LRRIQ1: variants seen among roughly 807,000 people sequenced by gnomAD.
LRRIQ1 encodes leucine rich repeats and IQ motif containing 1, also known as leucine-rich repeat- and IQ domain-containing protein 1.
Under a neutral mutation model 211.9 loss-of-function variants are expected in LRRIQ1, and 210 were observed. That is an observed-to-expected ratio of 0.99 (90% CI 0.89 to 1.11). The LOEUF (loss-of-function observed/expected upper bound fraction) is 1.11, where lower values mean the gene tolerates loss of function less well. LRRIQ1 is among the 50% of genes most tolerant of loss of function. LRRIQ1 has a pLI of 0.00. For missense variants in LRRIQ1, 2,136 were observed against 1,939.5 expected, an observed-to-expected ratio of 1.10 and a Z score of -1.90; for synonymous variants, 699 against 650.1, an observed-to-expected ratio of 1.08 and a Z score of -1.14.
chr12:85,154,208 A>G (rs145519822), intron 23 of LRRIQ1, 114 bp downstream of exon 23: 2 of 506,120 alleles, frequency 4.0e-6, no homozygotes, highest in Non-Finnish European at 6.5e-6. Context: ...TTCACAGATG[A>G]CTATGTCTAA....
chr12:85,177,124 A>G (rs986048307), intron 24 of LRRIQ1, among the ~76,000 whole-genome samples: 2 of 152,160 alleles, frequency 1.3e-5, no homozygotes, highest in Non-Finnish European at 2.9e-5. Context: ...TTGAATAAAA[A>G]TGTATAAAAT....
At chr12:85,238,899 A>C (rs775752315) in intron 26 of LRRIQ1, among the ~76,000 whole-genome samples, 4 of 152,196 alleles carry the variant, frequency 2.6e-5, no homozygotes, top group African/African-American at 9.6e-5. Context: ...CAGTTTAGAC[A>C]TAAGTGAATT....
chr12:85,254,108 C>T (rs1307062609), intron 1 of LRRIQ1, among the ~76,000 whole-genome samples: 2 of 152,042 alleles, frequency 1.3e-5, no homozygotes, highest in East Asian at 1.9e-4. Flanking sequence ...CTTGCTCTCT[C>T]TTGCTCCTTC....
chr12:85,262,927 A>C (rs1160092793), exon 2 of LRRIQ1: 3 of 984,704 alleles, frequency 3.0e-6, no homozygotes, highest in Non-Finnish European at 3.6e-6. Flanking sequence ...TGTTCAGTTA[A>C]GGGAATACCA....
At chr12:85,120,980 G>A (rs1021441466) in intron 15 of LRRIQ1, among the ~76,000 whole-genome samples, 26 of 151,592 alleles carry the variant, frequency 1.7e-4, no homozygotes, top group African/African-American at 6.1e-4. Flanking sequence ...GTTTGTTTTT[G>A]TTTTTTGAGA....
intron 8 of LRRIQ1, among the ~76,000 whole-genome samples, chr12:85,058,576 A>G (rs1383014163): frequency 2.6e-5 from 4 of 151,970 alleles, no homozygotes; most frequent in Non-Finnish European, 5.9e-5. Context: ...GTTCTGTCCA[A>G]TGAGAAGGAA....
At chr12:85,139,572 C>A (rs765024147) in intron 19 of LRRIQ1, among the ~76,000 whole-genome samples, 3 of 151,300 alleles carry the variant, frequency 2.0e-5, no homozygotes, top group Non-Finnish European at 4.4e-5. Flanking sequence ...GACTTGAACT[C>A]CATTTTATAA....
At chr12:85,201,801 T>C (rs1344607632) in intron 24 of LRRIQ1, among the ~76,000 whole-genome samples, 1 of 152,080 alleles carries the variant, frequency 6.6e-6, no homozygotes, top group Non-Finnish European at 1.5e-5. Flanking sequence ...CAGCTTTAAT[T>C]TTGGTCATTT....
chr12:85,048,636 A>G (rs1651070903), intron 6 of LRRIQ1: 1 of 152,006 alleles, frequency 6.6e-6, no homozygotes, highest in African/African-American at 2.4e-5. Flanking sequence ...TTATGCCATG[A>G]CTTTTTCTAA....
chr12:85,158,788 G>A, intron 23 of LRRIQ1, among the ~76,000 whole-genome samples: 1 of 151,852 alleles, frequency 6.6e-6, no homozygotes. Flanking sequence ...GTAGACTTAA[G>A]TGTACAAAAC....
intron 24 of LRRIQ1, among the ~76,000 whole-genome samples, chr12:85,169,499 G>A (rs974848634): frequency 7.2e-5 from 11 of 151,892 alleles, no homozygotes; most frequent in East Asian, 3.9e-4. Context: ...ATGTCCTACC[G>A]GACTGTAATT....
intron 24 of LRRIQ1, among the ~76,000 whole-genome samples, chr12:85,223,457 T>C (rs998277505): frequency 2.6e-5 from 4 of 152,174 alleles, no homozygotes; most frequent in African/African-American, 9.6e-5. Context: ...TGAATATAAT[T>C]GTTAGATAAG....
intron 13 of LRRIQ1, among the ~76,000 whole-genome samples, chr12:85,102,959 AATATATAT>A (rs1197049295): frequency 1.0e-4 from 11 of 108,462 alleles, no homozygotes; most frequent in South Asian, 2.7e-4. Context: ...AAAAAAAAAA[AATATATAT>A]ATATATATAT....
intron 26 of LRRIQ1, among the ~76,000 whole-genome samples, chr12:85,243,660 TTTTG>T (rs1453867420): frequency 6.6e-6 from 1 of 151,434 alleles, no homozygotes; most frequent in Non-Finnish European, 1.5e-5. Context: ...TGTATACAAT[TTTTG>T]TTTGTCAATT....
At chr12:85,128,101 T>C (rs1888509941) in intron 18 of LRRIQ1, 68 bp downstream of exon 18, 1 of 1,160,942 alleles carries the variant, frequency 8.6e-7, no homozygotes, top group Non-Finnish European at 1.3e-6. Context: ...ATTTATTCTG[T>C]ATTAAAAATA....
intron 4 of LRRIQ1, 32 bp from the exon 5 acceptor site, chr12:85,045,988 C>A (rs754777002): frequency 8.0e-7 from 1 of 1,252,450 alleles, no homozygotes; most frequent in Non-Finnish European, 1.1e-6. Context: ...TTTTGATTTT[C>A]TTTAATCATT....
At chr12:85,161,964 G>A (rs559386163) in intron 24 of LRRIQ1, among the ~76,000 whole-genome samples, 4 of 152,016 alleles carry the variant, frequency 2.6e-5, no homozygotes, top group South Asian at 2.1e-4. Flanking sequence ...GCGTGAACCC[G>A]GGAGGCAGAG....
At chr12:85,198,106 T>G (rs1206682682) in intron 24 of LRRIQ1, among the ~76,000 whole-genome samples, 1 of 118,428 alleles carries the variant, frequency 8.4e-6, no homozygotes, top group African/African-American at 3.3e-5. Flanking sequence ...TATTATATTA[T>G]TTATATATAA....
At chr12:85,166,120 C>G (rs1326995514) in intron 24 of LRRIQ1, among the ~76,000 whole-genome samples, 3 of 152,148 alleles carry the variant, frequency 2.0e-5, no homozygotes, top group Non-Finnish European at 2.9e-5. Flanking sequence ...TAAATTAAGT[C>G]ACTTTCCTGC....
Sources: gnomAD v4.1 joint callset for allele counts (sites outside exome capture counted in the v4.1 genomes callset) on GRCh38, gnomAD v4.1.1 for gene constraint, MANE v1.5 for transcripts, NCBI Gene and HGNC (gene_info 2026-07-23, HGNC 2026-07-21) for gene names.